The following OPCML variants were observed in gnomAD, a reference collection of about 807,000 sequenced individuals.
OPCML encodes the protein opioid-binding protein/cell adhesion molecule.
OPCML carries 13 observed loss-of-function variants against 37.8 expected under a neutral mutation model. The ratio of observed to expected loss-of-function variants is 0.34; its 90% CI spans 0.22 to 0.55. OPCML has a LOEUF of 0.55. OPCML is among the 20% of genes least tolerant of loss of function. OPCML has a pLI of 0.91. For synonymous variants in OPCML, 176 were observed against 168.8 expected, an observed-to-expected ratio of 1.04 and a Z score of -0.33; for missense variants, 341 against 435.6, an observed-to-expected ratio of 0.78 and a Z score of 1.93.
intron 4 of OPCML, among the ~76,000 whole-genome samples, chr11:132,445,910 C>A (rs1340284563): frequency 6.6e-6 from 1 of 152,110 alleles, no homozygotes; most frequent in East Asian, 1.9e-4. Flanking sequence ...AATATACCAT[C>A]ATGATGTCAA....
intron 1 of OPCML, chr11:133,003,977 A>G: frequency 1.0e-6 from 1 of 985,444 alleles, no homozygotes; most frequent in Non-Finnish European, 1.2e-6. Flanking sequence ...AGATCCCTCG[A>G]GAAGTCCCTG....
In OPCML at chr11:133,318,276, C is replaced by A. The variant is rs1370073592; in HGVS notation, c.61+213988G>T. ...TCTCCTTCATCAGTCTGTGCACTTC[C>A]TTGTAAAACACAGCTGCAGAAAAGA... On this transcript the variant is annotated intron_variant, in intron 1 of 7. Transcript: ENST00000524381. 2.6e-5 allele frequency among the ~76,000 whole-genome samples: 4 copies of A among 152,194 alleles called. No individual in the cohort carries two copies. In the East Asian group the frequency reaches 5.8e-4, roughly 22 times the overall value.
intron 1 of OPCML, among the ~76,000 whole-genome samples, chr11:133,215,390 T>C (rs1479636975): frequency 6.6e-6 from 1 of 152,220 alleles, no homozygotes; most frequent in Admixed American, 6.5e-5. Context: ...CCTATTCTTA[T>C]TCATTCCTTG....
intron 1 of OPCML, among the ~76,000 whole-genome samples, chr11:133,200,805 G>T (rs188830401): frequency 6.6e-6 from 1 of 152,230 alleles, no homozygotes; most frequent in East Asian, 1.9e-4. Flanking sequence ...AATATAAATT[G>T]TTCTACCATA....
chr11:133,421,910 C>T, intron 1 of OPCML: 1 of 448,132 alleles, frequency 2.2e-6, no homozygotes, highest in Non-Finnish European at 2.9e-6. Context: ...TCAGTTTAAG[C>T]CTCCAATCTT....
intron 1 of OPCML, among the ~76,000 whole-genome samples, chr11:133,162,315 C>T (rs1950154274): frequency 6.6e-6 from 1 of 152,216 alleles, no homozygotes; most frequent in Non-Finnish European, 1.5e-5. Context: ...AAGGCACTCT[C>T]AGGGCTGGTG....
intron 1 of OPCML, among the ~76,000 whole-genome samples, chr11:133,394,677 G>T (rs1592261884): frequency 1.3e-5 from 2 of 152,174 alleles, no homozygotes; most frequent in East Asian, 3.9e-4. Flanking sequence ...TCTGCGCCTG[G>T]CTTGTTCCAC....
intron 2 of OPCML, among the ~76,000 whole-genome samples, chr11:132,842,021 G>T (rs1254084680): frequency 6.6e-6 from 1 of 152,080 alleles, no homozygotes; most frequent in East Asian, 1.9e-4. Context: ...TGAGGTGACA[G>T]GCTCTCAGTA....
At chr11:132,871,310 C>T (rs1488872649) in intron 2 of OPCML, among the ~76,000 whole-genome samples, 2 of 151,950 alleles carry the variant, frequency 1.3e-5, no homozygotes, top group South Asian at 2.1e-4. Flanking sequence ...GATTCTTACA[C>T]ATTGTATGCT....
At chr11:133,318,368 A>G (rs1042064937) in intron 1 of OPCML, among the ~76,000 whole-genome samples, 1 of 152,152 alleles carries the variant, frequency 6.6e-6, no homozygotes, top group Non-Finnish European at 1.5e-5. Context: ...ATATCTGATT[A>G]GGCTCCACCT....
At chr11:132,893,206 G>A (rs1422151418) in intron 2 of OPCML, among the ~76,000 whole-genome samples, 3 of 152,096 alleles carry the variant, frequency 2.0e-5, no homozygotes, top group East Asian at 1.9e-4. Context: ...TGGTTGCAGT[G>A]AGCCAAGATC....
In OPCML at chr11:132,501,563, G is replaced by A. The variant is rs373963583; in HGVS notation, c.505+27498C>T. On this transcript the variant is annotated intron_variant, in intron 4 of 7. Transcript: ENST00000524381. ...ATATCTGCCCAAGGAGCTGTACACA[G>A]ACAGATGGACAGTCTTGCATGCCAA... 1.2e-4 allele frequency among the ~76,000 whole-genome samples: 18 copies of A among 152,276 alleles called. 1 individual carries two copies. In the East Asian group the frequency reaches 3.3e-3, roughly 28 times the overall value.
intron 1 of OPCML, among the ~76,000 whole-genome samples, chr11:133,041,175 A>G (rs2136945591): frequency 6.6e-6 from 1 of 152,314 alleles, no homozygotes; most frequent in Admixed American, 6.5e-5. Context: ...ACTCATGGGA[A>G]CATGTTTGGT....
At chr11:132,632,407 AGAG>A (rs1940209048) in intron 3 of OPCML, among the ~76,000 whole-genome samples, 1 of 152,142 alleles carries the variant, frequency 6.6e-6, no homozygotes, top group African/African-American at 2.4e-5. Flanking sequence ...TGACACGAGA[AGAG>A]GAGGTGACAC....
rs541000226 is a variant in OPCML at position 133,345,090 on chromosome 11, C to G, written c.61+187174G>C. ...ATCTCAAATCATATACACCAGCCCC[C>G]CTATATCAAGCACAGAGGCCTAAAG... On this transcript the variant is annotated intron_variant, in intron 1 of 7. Transcript: ENST00000524381. Among the ~76,000 whole-genome samples the G allele has an allele frequency of 4.6e-5, 7 of 152,272 alleles. No homozygotes were observed. In the South Asian group the frequency reaches 1.4e-3, roughly 32 times the overall value.
intron 2 of OPCML, among the ~76,000 whole-genome samples, chr11:132,934,781 T>C (rs1448563251): frequency 6.6e-6 from 1 of 152,180 alleles, no homozygotes; most frequent in African/African-American, 2.4e-5. Flanking sequence ...TCTTCCTTCC[T>C]TTGTTAATAT....
chr11:133,407,798 AAAAAT>A (rs1945556838), intron 1 of OPCML, among the ~76,000 whole-genome samples: 1 of 152,192 alleles, frequency 6.6e-6, no homozygotes. Flanking sequence ...ATGCATTTTT[AAAAAT>A]ACCCATGCTT....
chr11:133,246,699 T>C (rs2136423814), intron 1 of OPCML, among the ~76,000 whole-genome samples: 1 of 152,336 alleles, frequency 6.6e-6, no homozygotes, highest in African/African-American at 2.4e-5. Flanking sequence ...ACTCAGAAAC[T>C]TTTCAACGTT....
intron 2 of OPCML, among the ~76,000 whole-genome samples, chr11:132,888,537 G>A (rs1943511095): frequency 6.6e-6 from 1 of 152,190 alleles, no homozygotes; most frequent in Non-Finnish European, 1.5e-5. Flanking sequence ...CAGGAAAAGG[G>A]AAAGGAAATG....
Sources: gnomAD v4.1 joint callset for allele counts (sites outside exome capture counted in the v4.1 genomes callset) on GRCh38, gnomAD v4.1.1 for gene constraint, MANE v1.5 for transcripts, NCBI Gene and HGNC (gene_info 2026-07-23, HGNC 2026-07-21) for gene names.